The following ADGRA3 variants were observed in gnomAD, a reference collection of about 807,000 sequenced individuals.
ADGRA3 encodes the protein adhesion G protein-coupled receptor A3, also known as G-protein coupled receptor 125.
In ADGRA3, 56 loss-of-function variants were observed where a neutral mutation model predicts 119.8. That is an observed-to-expected ratio of 0.47 (90% CI 0.38 to 0.58). The LOEUF is 0.58. ADGRA3 is among the 20% of genes least tolerant of loss of function. The probability of loss-of-function intolerance (pLI) is 0.00; values close to 1 mark genes in which losing one functional copy is unlikely to be tolerated. For synonymous variants in ADGRA3, 607 were observed against 623.8 expected, an observed-to-expected ratio of 0.97 and a Z score of 0.40; for missense variants, 1,516 against 1,649.0, an observed-to-expected ratio of 0.92 and a Z score of 1.40.
intron 1 of ADGRA3, among the ~76,000 whole-genome samples, chr4:22,491,654 T>A (rs1718628146): frequency 6.6e-6 from 1 of 152,164 alleles, no homozygotes; most frequent in Non-Finnish European, 1.5e-5. Context: ...CAGGGTCCTT[T>A]AAGCGAGAAT....
rs191794477 is a variant in ADGRA3, at chr4:22,475,824, A to C, written c.258-1981T>G. ...AGGGATAAGACTACACACTGGGTGC[A>C]GTGTATACTGCTCGGGTGATGGGTG... On this transcript the variant is annotated intron_variant, in intron 1 of 18. Transcript: ENST00000334304. 3.5e-3 allele frequency among the ~76,000 whole-genome samples: 538 copies of C among 152,320 alleles called. 6 individuals are homozygous for C. The highest frequency in any genetic ancestry group is 0.012 in the African/African-American group (501 of 41,568).
chr4:22,456,007 C>A (rs1165984011), intron 3 of ADGRA3, among the ~76,000 whole-genome samples: 1 of 152,164 alleles, frequency 6.6e-6, no homozygotes, highest in Non-Finnish European at 1.5e-5. Flanking sequence ...CCTCCAATGT[C>A]CCTATTATTC....
chr4:22,450,278 T>C (rs537206517), intron 4 of ADGRA3, among the ~76,000 whole-genome samples: 10 of 151,878 alleles, frequency 6.6e-5, no homozygotes, highest in African/African-American at 2.4e-4. Flanking sequence ...TTTTTTTTTT[T>C]TTTGAGACAA....
chr4:22,513,261 C>A (rs1719515112), intron 1 of ADGRA3, among the ~76,000 whole-genome samples: 1 of 151,744 alleles, frequency 6.6e-6, no homozygotes, highest in Non-Finnish European at 1.5e-5. Flanking sequence ...ATTCTCCTGC[C>A]TCAGCCTCCC....
intron 10 of ADGRA3, among the ~76,000 whole-genome samples, chr4:22,432,412 T>A (rs1716219622): frequency 7.7e-6 from 1 of 129,344 alleles, no homozygotes. Flanking sequence ...CAGAAAAGTC[T>A]GGCAAGTAAG....
intron 11 of ADGRA3, among the ~76,000 whole-genome samples, chr4:22,421,992 A>T (rs2109037233): frequency 6.6e-6 from 1 of 152,028 alleles, no homozygotes; most frequent in African/African-American, 2.4e-5. Context: ...TAGAGTTTTA[A>T]AGGAATTCAG....
intron 10 of ADGRA3, among the ~76,000 whole-genome samples, chr4:22,428,547 A>T (rs1716033315): frequency 6.6e-6 from 1 of 152,202 alleles, no homozygotes; most frequent in Non-Finnish European, 1.5e-5. Flanking sequence ...GCATAGGTGG[A>T]GCAATGGTTT....
chr4:22,422,165 C>T (rs982675107), intron 11 of ADGRA3, among the ~76,000 whole-genome samples: 1 of 152,134 alleles, frequency 6.6e-6, no homozygotes, highest in Non-Finnish European at 1.5e-5. Flanking sequence ...CTAGGGACAA[C>T]ATGGCATCTC....
chr4:22,389,996 T>C (rs950618167), intron 17 of ADGRA3, among the ~76,000 whole-genome samples: 1 of 152,100 alleles, frequency 6.6e-6, no homozygotes, highest in Non-Finnish European at 1.5e-5. Flanking sequence ...ATATTGTTTC[T>C]TCCTTGTACC....
chr4:22,412,753 T>C (rs7435129), intron 14 of ADGRA3, among the ~76,000 whole-genome samples: 152,250 of 152,286 alleles, frequency 1, 76,107 homozygotes, highest in Non-Finnish European at 1. Context: ...ATTCTAAATT[T>C]AAATAGAGTC....
At chr4:22,475,826 T>A (rs1229673210) in intron 1 of ADGRA3, among the ~76,000 whole-genome samples, 1 of 152,006 alleles carries the variant, frequency 6.6e-6, no homozygotes. Context: ...CTGGGTGCAG[T>A]GTATACTGCT....
intron 12 of ADGRA3, 144 bp from the exon 13 acceptor site, chr4:22,413,958 A>C: frequency 3.5e-6 from 2 of 568,436 alleles, no homozygotes. Flanking sequence ...CAGTTAAAAA[A>C]ATCATCAGTC....
At chr4:22,473,725 A>C in intron 2 of ADGRA3, 47 bp downstream of exon 2, 1 of 1,032,288 alleles carries the variant, frequency 9.7e-7, no homozygotes, top group Non-Finnish European at 1.4e-6. Context: ...TACAATGAAA[A>C]TGCATTAAAC....
At chr4:22,390,114 C>G (rs148543783) in intron 17 of ADGRA3, among the ~76,000 whole-genome samples, 2 of 151,850 alleles carry the variant, frequency 1.3e-5, no homozygotes, top group South Asian at 2.1e-4. Context: ...GCCAATAATA[C>G]GTGACCTTCC....
chr4:22,444,992 C>T lies in ADGRA3; in HGVS notation c.687G>A (p.Lys229=), dbSNP rs577270941. 54 of 1,613,298 alleles carry T rather than the reference C, an allele frequency of 3.3e-5. No homozygotes were observed. The East Asian group carries it at 5.3e-4, about 16-fold the overall frequency. ...SLQAQPVTGV[K]QELLTCDPPL... Reference sequence around the variant, plus strand: ...CCTTACCGCATGTCAACAGCTCCTGCTTCACGCCTGTGACTGGTTGGGCCT... The same window carrying T: ...CCTTACCGCATGTCAACAGCTCCTGTTTCACGCCTGTGACTGGTTGGGCCT... The change falls in exon 6 of 19, where the codon AAG becomes AAA. Residue 229 remains lysine (K), a synonymous_variant. Coordinates refer to ENST00000334304, the MANE Select transcript of ADGRA3 (RefSeq NM_145290.4).
chr4:22,453,076 C>A (rs1419420400), intron 4 of ADGRA3, among the ~76,000 whole-genome samples: 1 of 151,540 alleles, frequency 6.6e-6, no homozygotes, highest in Non-Finnish European at 1.5e-5. Flanking sequence ...GTGGCGGGCA[C>A]CTGTAATCCC....
At chr4:22,449,560 G>T (rs192490190) in intron 4 of ADGRA3, among the ~76,000 whole-genome samples, 4 of 151,928 alleles carry the variant, frequency 2.6e-5, no homozygotes, top group Admixed American at 2.6e-4. Context: ...GGACTTCAAA[G>T]AATTGGGCCA....
At chr4:22,438,206 A>G in intron 8 of ADGRA3, 50 bp downstream of exon 8, 1 of 1,512,490 alleles carries the variant, frequency 6.6e-7, no homozygotes, top group Non-Finnish European at 9.1e-7. Flanking sequence ...TAGACAACAG[A>G]AGGATCTGGG....
In ADGRA3 at chr4:22,421,021, G is replaced by A. The variant is rs1322803235; in HGVS notation, c.1674C>T (p.Thr558=). The A allele has an allele frequency of 5.6e-6, 9 of 1,614,006 alleles. No individual in the cohort carries two copies. In the East Asian group the frequency reaches 1.3e-4, roughly 24 times the overall value. The change falls in exon 12 of 19, where the codon ACC becomes ACT. Residue 558 remains threonine, a synonymous_variant. Coordinates refer to ENST00000334304, the MANE Select transcript of ADGRA3 (RefSeq NM_145290.4). ...CAGAGGCTGCCACTTTCTGGAACACGGTACAGGTCATCCCCGTGAAGCCAG... is the reference window on the plus strand; with the variant it reads ...CAGAGGCTGCCACTTTCTGGAACACAGTACAGGTCATCCCCGTGAAGCCAG... ...KSTGFTGMTC[T]VFQKVAASDR...
Sources: gnomAD v4.1 joint callset for allele counts (sites outside exome capture counted in the v4.1 genomes callset) on GRCh38, gnomAD v4.1.1 for gene constraint, MANE v1.5 for transcripts, NCBI Gene and HGNC (gene_info 2026-07-23, HGNC 2026-07-21) for gene names.